Variants in KIAA0825 observed in about 807,000 individuals in gnomAD.
KIAA0825 encodes uncharacterized protein KIAA0825.
Under a neutral mutation model 147.6 loss-of-function variants are expected in KIAA0825, and 119 were observed. That is an observed-to-expected ratio of 0.81 (90% CI 0.69 to 0.94). KIAA0825 has a LOEUF of 0.94. Ranked by LOEUF, KIAA0825 falls within the 40% of genes least tolerant of loss-of-function variation. KIAA0825 has a pLI of 0.00. For synonymous variants in KIAA0825, 470 were observed against 518.1 expected, an observed-to-expected ratio of 0.91 and a Z score of 1.26; for missense variants, 1,381 against 1,472.7, an observed-to-expected ratio of 0.94 and a Z score of 1.02.
intron 2 of KIAA0825, among the ~76,000 whole-genome samples, chr5:94,578,142 CAATA>C (rs1016985051): frequency 1.3e-5 from 2 of 152,074 alleles, no homozygotes; most frequent in Non-Finnish European, 2.9e-5. Flanking sequence ...AACTTCTTGC[CAATA>C]GATAGCCAAG....
chr5:94,397,847 C>T (rs899625558), intron 16 of KIAA0825, among the ~76,000 whole-genome samples: 1 of 152,154 alleles, frequency 6.6e-6, no homozygotes, highest in African/African-American at 2.4e-5. Flanking sequence ...AGTCCTATAA[C>T]TCCAGCTTTC....
intron 3 of KIAA0825, among the ~76,000 whole-genome samples, chr5:94,532,980 C>CT (rs1163019137): frequency 0.017 from 2,327 of 140,070 alleles, 66 homozygotes; most frequent in African/African-American, 0.052. Context: ...CATTCTGTGT[C>CT]TTTTTTTTTT....
intron 18 of KIAA0825, among the ~76,000 whole-genome samples, chr5:94,390,087 T>C (rs540243271): frequency 6.6e-6 from 1 of 152,348 alleles, no homozygotes; most frequent in East Asian, 1.9e-4. Flanking sequence ...ATGAGGGAAG[T>C]ACAGCCTTTG....
At chr5:94,573,127 T>C (rs1269827691) in intron 2 of KIAA0825, among the ~76,000 whole-genome samples, 1 of 115,664 alleles carries the variant, frequency 8.6e-6, no homozygotes, top group Non-Finnish European at 1.8e-5. Context: ...CTTGGGGGGG[T>C]TGGGGGGGTT....
chr5:94,359,877 C>T (rs1029525722), intron 20 of KIAA0825, among the ~76,000 whole-genome samples: 7 of 152,158 alleles, frequency 4.6e-5, no homozygotes, highest in African/African-American at 1.7e-4. Context: ...CTAGGGTGAG[C>T]AAATGTGTGT....
At chr5:94,579,156 G>A (rs1781612604) in intron 2 of KIAA0825, among the ~76,000 whole-genome samples, 4 of 152,052 alleles carry the variant, frequency 2.6e-5, no homozygotes, top group African/African-American at 7.2e-5. Flanking sequence ...TCCTGACCTC[G>A]TGATCTGCCC....
chr5:94,559,628 T>C (rs927056755), intron 2 of KIAA0825, among the ~76,000 whole-genome samples: 6 of 152,196 alleles, frequency 3.9e-5, no homozygotes, highest in Non-Finnish European at 8.8e-5. Context: ...TACTCCCAGT[T>C]TTTCACTTGA....
intron 20 of KIAA0825, among the ~76,000 whole-genome samples, chr5:94,261,921 A>G (rs913678503): frequency 2.0e-5 from 3 of 152,122 alleles, no homozygotes; most frequent in Non-Finnish European, 4.4e-5. Context: ...TCTCCATGTT[A>G]CAGTAGGACA....
intron 13 of KIAA0825, among the ~76,000 whole-genome samples, chr5:94,449,123 CA>C (rs1758084697): frequency 6.6e-6 from 1 of 151,994 alleles, no homozygotes; most frequent in African/African-American, 2.4e-5. Context: ...ACTGCATAAA[CA>C]AAGGCCTGAA....
intron 20 of KIAA0825, among the ~76,000 whole-genome samples, chr5:94,290,720 C>T (rs572625329): frequency 6.6e-6 from 1 of 152,318 alleles, no homozygotes; most frequent in Admixed American, 6.5e-5. Context: ...CTGTCTTCCA[C>T]AATGGTTGAA....
rs1768028683 is a variant in KIAA0825, at chr5:94,520,786, C to T, written c.432G>A (p.Thr144=). The T allele has an allele frequency of 4.3e-6, 7 of 1,613,146 alleles. No individual in the cohort carries two copies. The South Asian group carries it at 4.4e-5, about 10-fold the overall frequency. Residue 144 remains threonine, a synonymous_variant, in exon 5 of 21, where the codon ACG becomes ACA. Transcript: ENST00000682413. ...AATTATCTTCAACAGAATGAAGAGA[C>T]GTCCTAGAGAGGAAATGGAAAGATG... The part of the protein sequence containing the change: ...SGTSFHFLSR[T]SLHSVEDNSS...
At chr5:94,210,177 C>T (rs746170283) in intron 20 of KIAA0825, among the ~76,000 whole-genome samples, 3 of 152,040 alleles carry the variant, frequency 2.0e-5, no homozygotes, top group South Asian at 2.1e-4. Context: ...AGTAAAAACA[C>T]GTAGGGAAGG....
chr5:94,541,842 T>C (rs529763369), intron 2 of KIAA0825, among the ~76,000 whole-genome samples: 2 of 152,364 alleles, frequency 1.3e-5, no homozygotes, highest in African/African-American at 4.8e-5. Flanking sequence ...CAGGAAGCAT[T>C]ATCAAATGTA....
chr5:94,476,270 C>G (rs552267871), intron 7 of KIAA0825, among the ~76,000 whole-genome samples: 7 of 152,122 alleles, frequency 4.6e-5, no homozygotes, highest in African/African-American at 1.4e-4. Flanking sequence ...GTTTTGGTTA[C>G]CTGCATGATG....
intron 20 of KIAA0825, among the ~76,000 whole-genome samples, chr5:94,296,175 T>G (rs1448990158): frequency 6.6e-6 from 1 of 152,120 alleles, no homozygotes; most frequent in Non-Finnish European, 1.5e-5. Context: ...TCCACCCAGT[T>G]TGAATTTCCA....
intron 20 of KIAA0825, among the ~76,000 whole-genome samples, chr5:94,383,875 C>T (rs1472147160): frequency 3.3e-5 from 5 of 150,912 alleles, no homozygotes; most frequent in Non-Finnish European, 5.9e-5. Context: ...ACAGTACCAA[C>T]ATAACTGGCT....
At chr5:94,199,939 C>T (rs929054785) in intron 20 of KIAA0825, among the ~76,000 whole-genome samples, 12 of 152,118 alleles carry the variant, frequency 7.9e-5, no homozygotes, top group African/African-American at 2.7e-4. Flanking sequence ...AGACAGGGAC[C>T]CTGGGAGAGA....
chr5:94,400,127 G>A (rs933840714), intron 16 of KIAA0825, among the ~76,000 whole-genome samples: 48 of 152,028 alleles, frequency 3.2e-4, no homozygotes, highest in African/African-American at 1.1e-3. Flanking sequence ...TTATTTTTCA[G>A]TGTTAACTAC....
intron 1 of KIAA0825, among the ~76,000 whole-genome samples, chr5:94,611,308 G>A (rs1271771105): frequency 6.6e-6 from 1 of 151,872 alleles, no homozygotes; most frequent in Non-Finnish European, 1.5e-5. Flanking sequence ...TCATTTCCTC[G>A]TGTATGATAG....
Sources: gnomAD v4.1 joint callset for allele counts (sites outside exome capture counted in the v4.1 genomes callset) on GRCh38, gnomAD v4.1.1 for gene constraint, MANE v1.5 for transcripts, NCBI Gene and HGNC (gene_info 2026-07-23, HGNC 2026-07-21) for gene names.